Variants in MGST3 observed in about 807,000 individuals in gnomAD.
The protein encoded by MGST3 is glutathione S-transferase 3, mitochondrial.
A neutral mutation model predicts 15.8 loss-of-function variants in MGST3; 13 were observed. The observed-to-expected ratio is 0.82, with a 90% CI of 0.54 to 1.31. The LOEUF (loss-of-function observed/expected upper bound fraction) is 1.31, where lower values mean the gene tolerates loss of function less well. Among genes scored for constraint, MGST3 ranks in the 50% most tolerant of loss-of-function variants. The probability of loss-of-function intolerance (pLI) is 0.00; values close to 1 mark genes in which losing one functional copy is unlikely to be tolerated. For synonymous variants in MGST3, 49 were observed against 68.1 expected, an observed-to-expected ratio of 0.72 and a Z score of 1.38; for missense variants, 155 against 192.4, an observed-to-expected ratio of 0.81 and a Z score of 1.15.
At chr1:165,648,540 C>G (rs939393209) in intron 1 of MGST3, 3 of 152,308 alleles carry the variant, frequency 2.0e-5, no homozygotes, top group African/African-American at 7.2e-5. Flanking sequence ...CATCTGTAAT[C>G]CCAGCTACTT....
intron 1 of MGST3, among the ~76,000 whole-genome samples, chr1:165,638,886 A>T (rs1648190862): frequency 1.3e-5 from 2 of 152,166 alleles, no homozygotes; most frequent in South Asian, 4.1e-4. Flanking sequence ...CTAATAACAT[A>T]TTTAAAGGAG....
At chr1:165,653,877 G>A (rs9333483) in intron 4 of MGST3, 71,691 of 298,500 alleles carry the variant, frequency 0.24, 12,358 homozygotes, top group East Asian at 0.82. Flanking sequence ...ATGCTCAGAG[G>A]CCCATTTGAG....
At chr1:165,635,264 T>C (rs1044550716) in intron 1 of MGST3, among the ~76,000 whole-genome samples, 4 of 152,164 alleles carry the variant, frequency 2.6e-5, no homozygotes, top group African/African-American at 4.8e-5. Context: ...CTGGGAAAGT[T>C]TGTCCTTATA....
chr1:165,643,199 T>C (rs1648306312), intron 1 of MGST3, among the ~76,000 whole-genome samples: 1 of 152,218 alleles, frequency 6.6e-6, no homozygotes, highest in Non-Finnish European at 1.5e-5. Flanking sequence ...TTAACCTCTT[T>C]AATATTTGTA....
chr1:165,651,296 ATTCTTTTC>A, intron 3 of MGST3: 4 of 597,764 alleles, frequency 6.7e-6, no homozygotes, highest in Admixed American at 5.4e-5. Flanking sequence ...ATTTCGGGAT[ATTCTTTTC>A]AAAAAATGTC....
At position 165,632,232 on chromosome 1, in the gene MGST3, G is replaced by A. The variant is rs1647974250; in HGVS notation, c.-8+939G>A. 3 of 1,612,560 alleles carry A rather than the reference G, an allele frequency of 1.9e-6. No homozygotes were observed. In the East Asian group the frequency reaches 6.7e-5, roughly 36 times the overall value. On this transcript the variant is annotated intron_variant, in intron 1 of 5. Transcript: ENST00000367889. ...TTAGAACTTTAATTCCTTCCCTGGGGACAGGAGATGCCCTGGAGGGGAAGG... is the reference window on the plus strand; with the variant it reads ...TTAGAACTTTAATTCCTTCCCTGGGAACAGGAGATGCCCTGGAGGGGAAGG...
rs9333378 is a variant in MGST3, at chr1:165,632,229, G to A, written c.-8+936G>A. 0.62 allele frequency: 1,000,966 copies of A among 1,610,452 alleles called. 318,698 individuals are homozygous for A. Among genetic ancestry groups the A allele is most frequent in the East Asian group, 0.98 (43,835 of 44,876 alleles). Reference sequence around the variant, plus strand: ...GGGTTAGAACTTTAATTCCTTCCCTGGGGACAGGAGATGCCCTGGAGGGGA... The same window carrying A: ...GGGTTAGAACTTTAATTCCTTCCCTAGGGACAGGAGATGCCCTGGAGGGGA... On this transcript the variant is annotated intron_variant, in intron 1 of 5. Coordinates refer to ENST00000367889, the MANE Select transcript of MGST3 (RefSeq NM_004528.4).
intron 1 of MGST3, chr1:165,647,078 T>G (rs1382861876): frequency 6.6e-6 from 1 of 152,248 alleles, no homozygotes; most frequent in Non-Finnish European, 1.5e-5. Flanking sequence ...TACTGTGAAT[T>G]CACTGCCTTT....
intron 1 of MGST3, among the ~76,000 whole-genome samples, chr1:165,631,641 C>T (rs1366740983): frequency 1.3e-5 from 2 of 151,838 alleles, no homozygotes; most frequent in Admixed American, 1.3e-4. Context: ...TTCTGCCTTC[C>T]GGAGACCACC....
chr1:165,638,305 C>A (rs2101715466), intron 1 of MGST3, among the ~76,000 whole-genome samples: 1 of 151,926 alleles, frequency 6.6e-6, no homozygotes, highest in Non-Finnish European at 1.5e-5. Flanking sequence ...ATAGCGAAAC[C>A]CCGTCTGTAC....
intron 1 of MGST3, among the ~76,000 whole-genome samples, chr1:165,633,557 G>A (rs1648015305): frequency 6.6e-6 from 1 of 151,960 alleles, no homozygotes; most frequent in South Asian, 2.1e-4. Flanking sequence ...CAATGGGAGC[G>A]GTTGTACCAC....
chr1:165,641,783 T>C (rs1648272488), intron 1 of MGST3, among the ~76,000 whole-genome samples: 1 of 152,218 alleles, frequency 6.6e-6, no homozygotes. Context: ...TCTCTAGTCT[T>C]GTAGATTTCC....
At chr1:165,652,974 G>A (rs2297764) in intron 4 of MGST3, among the ~76,000 whole-genome samples, 9,275 of 152,282 alleles carry the variant, frequency 0.061, 296 homozygotes, top group Middle Eastern at 0.092. Context: ...CTGAAACCAA[G>A]TTCTGACCAG....
rs545390347 is a variant in MGST3 at position 165,644,275 on chromosome 1, C to T, written c.-7-5566C>T. On this transcript the variant is annotated intron_variant, in intron 1 of 5. Coordinates refer to ENST00000367889, the MANE Select transcript of MGST3 (RefSeq NM_004528.4). Reference sequence around the variant, plus strand: ...CAAACCTAGACAGTATAACCTACTACACACCCAGGCTATATAGTCTAGCCT... The same window carrying T: ...CAAACCTAGACAGTATAACCTACTATACACCCAGGCTATATAGTCTAGCCT... Among the ~76,000 whole-genome samples the T allele has an allele frequency of 3.0e-3, 450 of 152,304 alleles. 2 individuals carry two copies. Among genetic ancestry groups the T allele is most frequent in the Non-Finnish European group, 5.2e-3 (352 of 68,034 alleles).
At chr1:165,649,806 C>A in intron 1 of MGST3, 35 bp from the exon 2 acceptor site, 1 of 1,613,290 alleles carries the variant, frequency 6.2e-7, no homozygotes, top group Non-Finnish European at 8.5e-7. Context: ...AGCCACAGTG[C>A]TGGGGGCCGT....
Position 165,655,379 on chromosome 1 carries a change from C to T in MGST3, c.334C>T (p.Arg112Cys), listed in dbSNP as rs143893612. 4.3e-6 allele frequency: 7 copies of T among 1,613,798 alleles called. No individual in the cohort carries two copies. Among genetic ancestry groups the T allele is most frequent in the African/African-American group, 4.0e-5 (3 of 74,856 alleles). Residue 112 changes from arginine to cysteine, a missense_variant, in exon 6 of 6, where the codon CGT (arginine) becomes TGT (cysteine). By Grantham distance (180) the Arg-to-Cys change is radical (BLOSUM62 -3). Coordinates refer to ENST00000367889, the MANE Select transcript of MGST3 (RefSeq NM_004528.4). ...YGYYTGEPSKRSRGALGSIAL... is the reference protein window; with the variant it reads ...YGYYTGEPSKCSRGALGSIAL... ...TTCTTCTTTTTCAGAACCCAGCAAG[C>T]GTAGTCGAGGAGCCCTGGGGTCCAT...
chr1:165,655,230 C>A, intron 5 of MGST3, 138 bp from the exon 6 acceptor site: 1 of 1,055,002 alleles, frequency 9.5e-7, no homozygotes, highest in Non-Finnish European at 1.4e-6. Context: ...CAGCTTCAGG[C>A]TAAAGAGTTA....
At chr1:165,642,875 G>A (rs1207591907) in intron 1 of MGST3, among the ~76,000 whole-genome samples, 1 of 152,218 alleles carries the variant, frequency 6.6e-6, no homozygotes, top group Admixed American at 6.5e-5. Context: ...GCACTTAGCA[G>A]ATAAGTGGTG....
chr1:165,633,495 C>T (rs1648013987), intron 1 of MGST3, among the ~76,000 whole-genome samples: 1 of 150,516 alleles, frequency 6.6e-6, no homozygotes. Flanking sequence ...TTTTTTATTC[C>T]ACCCTTTAAA....
Sources: gnomAD v4.1 joint callset for allele counts (sites outside exome capture counted in the v4.1 genomes callset) on GRCh38, gnomAD v4.1.1 for gene constraint, MANE v1.5 for transcripts, NCBI Gene and HGNC (gene_info 2026-07-23, HGNC 2026-07-21) for gene names.